PTPRK: variants seen among roughly 807,000 people sequenced by gnomAD.
PTPRK encodes protein tyrosine phosphatase receptor type K.
PTPRK carries 75 observed loss-of-function variants against 178.0 expected under a neutral mutation model. The observed-to-expected ratio is 0.42, with a 90% CI of 0.35 to 0.51. The LOEUF (loss-of-function observed/expected upper bound fraction) is 0.51, where lower values mean the gene tolerates loss of function less well. Ranked by LOEUF, PTPRK falls within the 20% of genes least tolerant of loss-of-function variation. The probability of loss-of-function intolerance (pLI) is 0.02; values close to 1 mark genes in which losing one functional copy is unlikely to be tolerated. For missense variants in PTPRK, 1,441 were observed against 1,797.8 expected (o/e 0.80, Z 3.59); for synonymous variants, 637 against 620.6 (o/e 1.03, Z -0.39).
intron 5 of PTPRK, among the ~76,000 whole-genome samples, chr6:128,222,913 A>G (rs1810666789): frequency 1.3e-5 from 2 of 152,276 alleles, no homozygotes; most frequent in Admixed American, 6.5e-5. Context: ...GACCTGATCT[A>G]TGGTATCTAG....
chr6:128,241,392 A>C, intron 4 of PTPRK: 1 of 491,246 alleles, frequency 2.0e-6, no homozygotes, highest in East Asian at 5.6e-5. Flanking sequence ...GGAAGAGCCA[A>C]GCAATCTGTG....
intron 13 of PTPRK, among the ~76,000 whole-genome samples, chr6:128,034,399 T>C (rs1388942478): frequency 6.6e-6 from 1 of 152,234 alleles, no homozygotes; most frequent in Non-Finnish European, 1.5e-5. Context: ...TTCCCTTTGC[T>C]AAGGAAAAAG....
chr6:128,284,122 T>C (rs1015658121), intron 3 of PTPRK, among the ~76,000 whole-genome samples: 3 of 152,184 alleles, frequency 2.0e-5, no homozygotes, highest in Non-Finnish European at 4.4e-5. Context: ...GTTCTCAATT[T>C]CTGTTCCAAA....
intron 6 of PTPRK, among the ~76,000 whole-genome samples, chr6:128,216,422 C>A (rs1380358487): frequency 6.6e-6 from 1 of 151,730 alleles, no homozygotes; most frequent in African/African-American, 2.4e-5. Context: ...GTAGTCTCAG[C>A]TACTTGGGAG....
Position 128,172,902 on chromosome 6 carries a change from T to A in PTPRK, c.1162+11530A>T, listed in dbSNP as rs937833731. On this transcript the variant is annotated intron_variant, in intron 7 of 29. Coordinates refer to ENST00000368226, the MANE Select transcript of PTPRK (RefSeq NM_002844.4). ...ATGGGCACACCAGCACTGCTAATCA[T>A]GGGGCCATATGCTCAGGTCCTTCTC... Among the ~76,000 whole-genome samples the A allele has an allele frequency of 2.0e-5, 3 of 151,874 alleles. No homozygotes were observed. The Admixed American group carries it at 2.0e-4, about 10-fold the overall frequency.
chr6:128,102,909 G>A (rs561647409), intron 7 of PTPRK, among the ~76,000 whole-genome samples: 1 of 152,258 alleles, frequency 6.6e-6, no homozygotes, highest in South Asian at 2.1e-4. Flanking sequence ...AAGAGGCAGG[G>A]AAATGCTGGG....
rs1475526285 is a variant in PTPRK, at chr6:127,990,905, T to C, written c.2980-20A>G. The C allele has an allele frequency of 1.9e-5, 27 of 1,417,316 alleles. No individual in the cohort carries two copies. In the Admixed American group the frequency reaches 4.5e-4, roughly 24 times the overall value. The allele number at this position is 1,417,316 out of a possible 1,614,324, so 87.8% of individuals were successfully genotyped here. On this transcript the variant is annotated intron_variant, in intron 20 of 29. Transcript: ENST00000368226. ...TTTAACCTAAGTGACAAAAAGAATA[T>C]ATAGACAGACCTGAATATATAATAC...
At chr6:128,254,657 T>C (rs1583721656) in intron 3 of PTPRK, among the ~76,000 whole-genome samples, 1 of 152,292 alleles carries the variant, frequency 6.6e-6, no homozygotes, top group Non-Finnish European at 1.5e-5. Context: ...AGATGAAGTC[T>C]GTAAGACTTT....
intron 7 of PTPRK, among the ~76,000 whole-genome samples, chr6:128,105,883 T>C (rs1287077892): frequency 1.3e-5 from 2 of 152,244 alleles, no homozygotes; most frequent in African/African-American, 2.4e-5. Flanking sequence ...CAAGTCTCAT[T>C]GTACACTGCT....
chr6:128,009,329 A>G, intron 13 of PTPRK, 61 bp from the exon 14 acceptor site: 1 of 1,483,260 alleles, frequency 6.7e-7, no homozygotes, highest in Non-Finnish European at 9.2e-7. Flanking sequence ...GAAAAAAATT[A>G]TTCCCAGTAA....
intron 7 of PTPRK, among the ~76,000 whole-genome samples, chr6:128,108,875 G>A (rs1466880795): frequency 1.3e-5 from 2 of 152,088 alleles, no homozygotes; most frequent in African/African-American, 4.8e-5. Flanking sequence ...GACAGAGAAT[G>A]AGCTAGTTCA....
At chr6:128,299,208 A>G (rs1394655595) in intron 3 of PTPRK, among the ~76,000 whole-genome samples, 3 of 152,084 alleles carry the variant, frequency 2.0e-5, no homozygotes, top group Non-Finnish European at 4.4e-5. Context: ...CCACTGCTCA[A>G]GGAAATAAAA....
intron 3 of PTPRK, among the ~76,000 whole-genome samples, chr6:128,292,662 C>T (rs1011656441): frequency 2.6e-5 from 4 of 152,014 alleles, no homozygotes; most frequent in East Asian, 3.9e-4. Flanking sequence ...AAATAGGATG[C>T]AGTTCATAGG....
At chr6:128,241,398 CTG>C (rs1428449794) in intron 4 of PTPRK, 2 of 483,042 alleles carry the variant, frequency 4.1e-6, no homozygotes, top group Admixed American at 2.3e-5. Flanking sequence ...GCCAAGCAAT[CTG>C]TGATTTACCA....
chr6:128,038,456 T>C (rs367863249), intron 13 of PTPRK, among the ~76,000 whole-genome samples: 66 of 152,330 alleles, frequency 4.3e-4, no homozygotes, highest in African/African-American at 1.3e-3. Flanking sequence ...CCACTTTGAT[T>C]ATTTTGACAC....
At chr6:128,044,771 TC>T (rs1474915534) in intron 13 of PTPRK, among the ~76,000 whole-genome samples, 1 of 152,022 alleles carries the variant, frequency 6.6e-6, no homozygotes, top group African/African-American at 2.4e-5. Flanking sequence ...GCTCTTTTTT[TC>T]TTCACTGAAT....
chr6:128,255,719 C>T (rs2128291130), intron 3 of PTPRK, among the ~76,000 whole-genome samples: 1 of 152,340 alleles, frequency 6.6e-6, no homozygotes, highest in Non-Finnish European at 1.5e-5. Flanking sequence ...ACAAAAGCAT[C>T]AACAACACCT....
chr6:128,049,763 C>T (rs575199499), intron 13 of PTPRK, among the ~76,000 whole-genome samples: 30 of 152,246 alleles, frequency 2.0e-4, no homozygotes, highest in Middle Eastern at 3.4e-3. Context: ...CATCATGGCA[C>T]AAAATTCTTA....
chr6:128,446,295 A>T (rs2128403063), intron 1 of PTPRK, among the ~76,000 whole-genome samples: 1 of 152,336 alleles, frequency 6.6e-6, no homozygotes, highest in Non-Finnish European at 1.5e-5. Flanking sequence ...CGGGGGAAGT[A>T]ATTAAATTTA....
Sources: allele counts gnomAD v4.1 joint callset (sites outside exome capture counted in the v4.1 genomes callset), GRCh38; gene constraint gnomAD v4.1.1; transcripts MANE v1.5; gene names NCBI Gene and HGNC (gene_info 2026-07-23, HGNC 2026-07-21).